MSRA: variants seen among roughly 807,000 people sequenced by gnomAD.
The protein encoded by MSRA is methionine sulfoxide reductase A.
A neutral mutation model predicts 31.3 loss-of-function variants in MSRA; 54 were observed. The observed-to-expected ratio is 1.73, with a 90% CI of 1.39 to 2.17. The LOEUF is 2.17. Among genes scored for constraint, MSRA ranks in the 30% most tolerant of loss-of-function variants. MSRA has a pLI of 0.00. For synonymous variants in MSRA, 169 were observed against 116.5 expected (o/e 1.45, Z -2.90); for missense variants, 507 against 300.9 (o/e 1.69, Z -5.07).
intron 1 of MSRA, among the ~76,000 whole-genome samples, chr8:10,192,010 T>G (rs779610794): frequency 6.6e-6 from 1 of 152,184 alleles, no homozygotes; most frequent in African/African-American, 2.4e-5. Flanking sequence ...CATTGTGTTT[T>G]CTGGGGCTCA....
intron 1 of MSRA, among the ~76,000 whole-genome samples, chr8:10,143,646 G>T (rs1355143260): frequency 6.6e-6 from 1 of 152,104 alleles, no homozygotes; most frequent in African/African-American, 2.4e-5. Context: ...TCTAACTTTT[G>T]CAAGGAAATC....
At chr8:10,303,280 T>C (rs571263423) in intron 4 of MSRA, among the ~76,000 whole-genome samples, 3 of 152,206 alleles carry the variant, frequency 2.0e-5, no homozygotes, top group Non-Finnish European at 4.4e-5. Context: ...AAGTCTGTCG[T>C]CAACTTCTCT....
chr8:10,252,470 C>T (rs1797967709), intron 3 of MSRA, among the ~76,000 whole-genome samples: 1 of 152,152 alleles, frequency 6.6e-6, no homozygotes, highest in Non-Finnish European at 1.5e-5. Context: ...CTTGTGTCTG[C>T]TAGATGCTTT....
intron 5 of MSRA, among the ~76,000 whole-genome samples, chr8:10,328,027 A>ATTTTTTTTTTTTTTTT (rs35940076): frequency 3.1e-5 from 2 of 65,334 alleles, no homozygotes; most frequent in African/African-American, 7.1e-5. Flanking sequence ...CTCTATGGTA[A>ATTTTTTTTTTTTTTTT]TTTTTTTTTT....
chr8:10,225,157 A>G (rs1247213167), intron 2 of MSRA, among the ~76,000 whole-genome samples: 2 of 152,148 alleles, frequency 1.3e-5, no homozygotes, highest in Non-Finnish European at 2.9e-5. Context: ...AAATAAATAC[A>G]TGCATACAAC....
intron 1 of MSRA, among the ~76,000 whole-genome samples, chr8:10,104,252 C>T (rs1430978777): frequency 6.6e-6 from 1 of 152,154 alleles, no homozygotes; most frequent in Non-Finnish European, 1.5e-5. Context: ...TAATGCCACG[C>T]CATTCTCCCA....
intron 2 of MSRA, among the ~76,000 whole-genome samples, chr8:10,214,168 G>A (rs1809772932): frequency 6.6e-6 from 1 of 152,082 alleles, no homozygotes; most frequent in Non-Finnish European, 1.5e-5. Context: ...TTGTCGCACG[G>A]CACATCTCTT....
At chr8:10,056,523 AC>A in intron 1 of MSRA, among the ~76,000 whole-genome samples, 1 of 103,470 alleles carries the variant, frequency 9.7e-6, no homozygotes, top group East Asian at 2.8e-4. Flanking sequence ...GGGCCAGTAA[AC>A]TTTTTTTTTT....
intron 1 of MSRA, among the ~76,000 whole-genome samples, chr8:10,190,567 C>A (rs1263680094): frequency 1.3e-5 from 2 of 152,244 alleles, no homozygotes; most frequent in African/African-American, 4.8e-5. Flanking sequence ...TCCAAGACAT[C>A]TGAGTCCTTT....
At chr8:10,285,847 A>T (rs1799906648) in intron 3 of MSRA, among the ~76,000 whole-genome samples, 1 of 152,202 alleles carries the variant, frequency 6.6e-6, no homozygotes, top group Non-Finnish European at 1.5e-5. Context: ...ACAAAATTAA[A>T]TATTAATTTT....
intron 1 of MSRA, among the ~76,000 whole-genome samples, chr8:10,133,724 T>C (rs1563134379): frequency 6.6e-6 from 1 of 152,166 alleles, no homozygotes; most frequent in Non-Finnish European, 1.5e-5. Flanking sequence ...GCTCAGGAAA[T>C]GGTAGTGACT....
At chr8:10,353,673 A>T (rs1404375936) in intron 5 of MSRA, 4 of 456,290 alleles carry the variant, frequency 8.8e-6, no homozygotes, top group Non-Finnish European at 1.3e-5. Flanking sequence ...GACGGAGGGA[A>T]GATGAGTATA....
chr8:10,368,799 C>T (rs1408321447), intron 5 of MSRA, among the ~76,000 whole-genome samples: 1 of 152,244 alleles, frequency 6.6e-6, no homozygotes, highest in African/African-American at 2.4e-5. Flanking sequence ...TTGCTGCCCG[C>T]ACATGCTTGT....
In MSRA at chr8:10,283,163, C is replaced by CTCTCTCTCTCTCTG. The variant is rs1335405310; in HGVS notation, c.332-18369_332-18368insTCTCTCTCTCTGTC. ...ACACACACACACACACACACACACT[C>CTCTCTCTCTCTCTG]TCACCCTTCTCTTTGCTGGGGAAAG... On this transcript the variant is annotated intron_variant, in intron 3 of 5. Transcript: ENST00000317173. 2.1e-4 allele frequency among the ~76,000 whole-genome samples: 32 copies of CTCTCTCTCTCTCTG among 151,866 alleles called. 1 individual carries two copies. Among genetic ancestry groups the CTCTCTCTCTCTCTG allele is most frequent in the African/African-American group, 7.2e-4 (30 of 41,386 alleles).
chr8:10,214,259 G>A (rs963751984), intron 2 of MSRA, among the ~76,000 whole-genome samples: 5 of 152,106 alleles, frequency 3.3e-5, no homozygotes, highest in South Asian at 4.2e-4. Context: ...GCAGGGGCCC[G>A]TGGCTGACAG....
At chr8:10,314,251 C>A (rs1801594102) in intron 4 of MSRA, among the ~76,000 whole-genome samples, 1 of 151,242 alleles carries the variant, frequency 6.6e-6, no homozygotes, top group South Asian at 2.1e-4. Flanking sequence ...TTGCCAAGAA[C>A]AGAGAGATTA....
chr8:10,337,399 T>G (rs1162817007), intron 5 of MSRA: 5 of 275,680 alleles, frequency 1.8e-5, no homozygotes, highest in South Asian at 9.7e-5. Context: ...CAGGATGATC[T>G]GGATCTCCTG....
chr8:10,335,021 G>T (rs1563363759), intron 5 of MSRA, among the ~76,000 whole-genome samples: 1 of 152,200 alleles, frequency 6.6e-6, no homozygotes, highest in African/African-American at 2.4e-5. Context: ...TAGGTCTAGT[G>T]CCCTGCGCCA....
intron 3 of MSRA, among the ~76,000 whole-genome samples, chr8:10,281,385 G>A (rs1388400771): frequency 2.0e-5 from 3 of 152,194 alleles, no homozygotes; most frequent in Non-Finnish European, 2.9e-5. Context: ...TAATGAAAAT[G>A]AATGGAGAAG....
Sources: allele counts gnomAD v4.1 joint callset (sites outside exome capture counted in the v4.1 genomes callset), GRCh38; gene constraint gnomAD v4.1.1; transcripts MANE v1.5; gene names NCBI Gene and HGNC (gene_info 2026-07-23, HGNC 2026-07-21).